The following FBXL7 variants were observed in gnomAD, a reference collection of about 807,000 sequenced individuals.
The protein encoded by FBXL7 is F-box/LRR-repeat protein 7.
A neutral mutation model predicts 38.3 loss-of-function variants in FBXL7; 12 were observed. The ratio of observed to expected loss-of-function variants is 0.31; its 90% confidence interval spans 0.20 to 0.51. The LOEUF (loss-of-function observed/expected upper bound fraction) is 0.51. Among genes scored for constraint, FBXL7 ranks in the 20% least tolerant of loss-of-function variants. The probability of loss-of-function intolerance (pLI) is 0.98; values close to 1 mark genes in which losing one functional copy is unlikely to be tolerated. For synonymous variants in FBXL7, 297 were observed against 300.9 expected (o/e 0.99, Z 0.13); for missense variants, 567 against 676.4 (o/e 0.84, Z 1.79).
At chr5:15,933,033 GA>G (rs142531345) in intron 3 of FBXL7, among the ~76,000 whole-genome samples, 2 of 151,514 alleles carry the variant, frequency 1.3e-5, no homozygotes, top group African/African-American at 2.4e-5. Context: ...GCTTCATCTT[GA>G]AAAAAAATGA....
rs1308317108 is a variant in FBXL7 at position 15,817,299 on chromosome 5, C to CT, written c.128-110578dup. 6.5e-3 allele frequency among the ~76,000 whole-genome samples: 951 copies of CT among 146,618 alleles called. 10 individuals are homozygous for CT. The highest frequency in any genetic ancestry group is 0.02 in the African/African-American group (826 of 40,320). On this transcript the variant is annotated intron_variant, in intron 2 of 3. Coordinates refer to ENST00000504595, the MANE Select transcript of FBXL7 (RefSeq NM_012304.5). ...TTCCTAAATGCATGACTTTTGCTAA[C>CT]TTTTTTTTTTTTTAAAAAAGGCAAT...
At chr5:15,541,543 C>CT (rs1173509531) in intron 1 of FBXL7, among the ~76,000 whole-genome samples, 3,715 of 91,260 alleles carry the variant, frequency 0.041, 416 homozygotes, top group African/African-American at 0.079. Flanking sequence ...ACTCACTCCT[C>CT]TTTTTTTTTT....
At chr5:15,860,613 G>T (rs142268967) in intron 2 of FBXL7, among the ~76,000 whole-genome samples, 32 of 152,278 alleles carry the variant, frequency 2.1e-4, no homozygotes, top group Middle Eastern at 3.4e-3. Flanking sequence ...TCCAGTCTTT[G>T]TTGTCTTCTC....
chr5:15,643,718 G>T (rs890608597), intron 2 of FBXL7, among the ~76,000 whole-genome samples: 3 of 152,196 alleles, frequency 2.0e-5, no homozygotes, highest in Admixed American at 6.5e-5. Context: ...GATTAGTGTG[G>T]TCAAGGAAGA....
At chr5:15,507,966 C>A (rs1030748002) in intron 1 of FBXL7, among the ~76,000 whole-genome samples, 1 of 152,122 alleles carries the variant, frequency 6.6e-6, no homozygotes, top group Non-Finnish European at 1.5e-5. Context: ...TCACTTGAAC[C>A]TGGGAGGTGG....
At chr5:15,703,539 A>T (rs917135764) in intron 2 of FBXL7, among the ~76,000 whole-genome samples, 1 of 152,338 alleles carries the variant, frequency 6.6e-6, no homozygotes, top group East Asian at 1.9e-4. Flanking sequence ...GTGCATGCAT[A>T]AAACAACTTG....
intron 2 of FBXL7, among the ~76,000 whole-genome samples, chr5:15,798,151 G>A (rs1465195528): frequency 2.0e-5 from 3 of 152,104 alleles, no homozygotes; most frequent in African/African-American, 4.8e-5. Context: ...CACTCAGTCT[G>A]CTATTGTTCT....
At position 15,817,593 on chromosome 5, in the gene FBXL7, G is replaced by A. The variant is rs146707981; in HGVS notation, c.128-110297G>A. ...GTGTCATGGAAGGGTCCCAGTGGGGGGTAATTGAGTCATGGGGGTGGTTTT... is the reference window on the plus strand; with the variant it reads ...GTGTCATGGAAGGGTCCCAGTGGGGAGTAATTGAGTCATGGGGGTGGTTTT... On this transcript the variant is annotated intron_variant, in intron 2 of 3. Transcript: ENST00000504595. 4.0e-4 allele frequency among the ~76,000 whole-genome samples: 61 copies of A among 152,232 alleles called. 1 individual carries two copies. Among genetic ancestry groups the A allele is most frequent in the African/African-American group, 1.4e-3 (57 of 41,554 alleles).
chr5:15,674,821 T>G (rs1223126359), intron 2 of FBXL7, among the ~76,000 whole-genome samples: 1 of 152,232 alleles, frequency 6.6e-6, no homozygotes, highest in Non-Finnish European at 1.5e-5. Flanking sequence ...CAGAAAGAGT[T>G]AAGAAGTTGT....
intron 2 of FBXL7, among the ~76,000 whole-genome samples, chr5:15,728,149 T>A (rs1447255251): frequency 6.6e-6 from 1 of 152,186 alleles, no homozygotes; most frequent in East Asian, 1.9e-4. Context: ...ATTTCTCTAT[T>A]GCTGTCAGCA....
At chr5:15,675,718 A>G (rs538875678) in intron 2 of FBXL7, among the ~76,000 whole-genome samples, 4 of 152,364 alleles carry the variant, frequency 2.6e-5, no homozygotes, top group South Asian at 2.1e-4. Flanking sequence ...GCAGTCTATC[A>G]TCTTACTAAG....
intron 2 of FBXL7, among the ~76,000 whole-genome samples, chr5:15,870,403 A>G (rs1739903248): frequency 6.6e-6 from 1 of 152,170 alleles, no homozygotes; most frequent in South Asian, 2.1e-4. Context: ...CTGCTGGAGC[A>G]TTTGAAGAGG....
chr5:15,893,736 T>A (rs755355162), intron 2 of FBXL7, among the ~76,000 whole-genome samples: 2 of 152,216 alleles, frequency 1.3e-5, no homozygotes, highest in African/African-American at 2.4e-5. Context: ...ATCAAAATAA[T>A]TTAGGTCAAA....
intron 2 of FBXL7, among the ~76,000 whole-genome samples, chr5:15,903,273 C>T (rs2126413489): frequency 6.6e-6 from 1 of 152,282 alleles, no homozygotes; most frequent in Middle Eastern, 3.4e-3. Flanking sequence ...CTGGAGTTCA[C>T]TCTAATTCAG....
chr5:15,792,737 T>G (rs257782), intron 2 of FBXL7, among the ~76,000 whole-genome samples: 88,310 of 151,930 alleles, frequency 0.58, 26,130 homozygotes, highest in Non-Finnish European at 0.64. Flanking sequence ...TACAGGACCA[T>G]CTGGATGGAT....
At chr5:15,754,391 C>T (rs1363033899) in intron 2 of FBXL7, among the ~76,000 whole-genome samples, 3 of 152,144 alleles carry the variant, frequency 2.0e-5, no homozygotes, top group Non-Finnish European at 2.9e-5. Context: ...GTCAAACCCC[C>T]CAACCAAGAG....
intron 1 of FBXL7, among the ~76,000 whole-genome samples, chr5:15,577,292 G>C (rs1200883946): frequency 6.6e-6 from 1 of 152,078 alleles, no homozygotes; most frequent in Non-Finnish European, 1.5e-5. Context: ...ATGGTATCTG[G>C]GTTCTTCAGA....
At chr5:15,585,191 A>C (rs540419688) in intron 1 of FBXL7, among the ~76,000 whole-genome samples, 1 of 152,362 alleles carries the variant, frequency 6.6e-6, no homozygotes, top group South Asian at 2.1e-4. Flanking sequence ...CACATTCTAT[A>C]AGAAGGGGAC....
Position 15,936,385 on chromosome 5 carries a change from C to T in FBXL7, c.740-65C>T. The T allele has an allele frequency of 6.4e-7, 1 of 1,550,468 alleles. No homozygotes were observed. Among genetic ancestry groups the T allele is most frequent in the Non-Finnish European group, 8.7e-7 (1 of 1,147,510 alleles). On this transcript the variant is annotated intron_variant, in intron 3 of 3. Coordinates refer to ENST00000504595, the MANE Select transcript of FBXL7 (RefSeq NM_012304.5). This position sits in a 1 kb window ranked among gnomAD's most constrained non-coding sequence, Gnocchi z 6.0. ...GGCGAGGGTCAGGAATGCCCCAGGGCATCCCCAGGCGTGGCTCCCCTGCTG... is the reference window on the plus strand; with the variant it reads ...GGCGAGGGTCAGGAATGCCCCAGGGTATCCCCAGGCGTGGCTCCCCTGCTG...
Sources: gnomAD v4.1 joint callset for allele counts (sites outside exome capture counted in the v4.1 genomes callset) on GRCh38, gnomAD v4.1.1 for gene constraint, Gnocchi (gnomAD v3.1) non-coding constraint, MANE v1.5 for transcripts, NCBI Gene and HGNC (gene_info 2026-07-23, HGNC 2026-07-21) for gene names.